The following DTX1 variants were observed in gnomAD, a reference collection of about 807,000 sequenced individuals.
DTX1 encodes the protein deltex E3 ubiquitin ligase 1, also known as E3 ubiquitin-protein ligase DTX1.
A neutral mutation model predicts 57.8 loss-of-function variants in DTX1; 26 were observed. The observed-to-expected ratio is 0.45, with a 90% confidence interval of 0.33 to 0.62. DTX1 has a LOEUF of 0.62. DTX1 is among the 20% of genes least tolerant of loss of function. The pLI is 0.02. For synonymous variants in DTX1, 398 were observed against 394.1 expected, an observed-to-expected ratio of 1.01 and a Z score of -0.12; for missense variants, 704 against 895.3, an observed-to-expected ratio of 0.79 and a Z score of 2.73.
chr12:113,058,655 T>G (rs2044647442), intron 2 of DTX1, among the ~76,000 whole-genome samples: 1 of 152,220 alleles, frequency 6.6e-6, no homozygotes, highest in African/African-American at 2.4e-5. Context: ...TGTAGGGCCT[T>G]GAGCAAGTTG....
chr12:113,088,577 G>A (rs1225028829), intron 3 of DTX1, among the ~76,000 whole-genome samples: 1 of 152,236 alleles, frequency 6.6e-6, no homozygotes, highest in Admixed American at 6.5e-5. Flanking sequence ...CCTGCACGTT[G>A]TGCACATGTA....
intron 2 of DTX1, among the ~76,000 whole-genome samples, chr12:113,075,991 T>G: frequency 6.9e-6 from 1 of 145,384 alleles, no homozygotes; most frequent in African/African-American, 2.6e-5. Context: ...CCAAGATAAA[T>G]GGGTAGAATG....
chr12:113,074,185 C>T (rs759390309), intron 2 of DTX1, among the ~76,000 whole-genome samples: 2 of 152,150 alleles, frequency 1.3e-5, no homozygotes, highest in Non-Finnish European at 2.9e-5. Flanking sequence ...GCCGAGATCA[C>T]GCCACTGCAC....
At chr12:113,076,935 C>T (rs1485715202) in intron 2 of DTX1, among the ~76,000 whole-genome samples, 1 of 152,178 alleles carries the variant, frequency 6.6e-6, no homozygotes, top group South Asian at 2.1e-4. Flanking sequence ...GTCTGAAGAA[C>T]CCCCAGGCCC....
chr12:113,072,105 C>A (rs961409149), intron 2 of DTX1, among the ~76,000 whole-genome samples: 1 of 152,202 alleles, frequency 6.6e-6, no homozygotes, highest in African/African-American at 2.4e-5. Flanking sequence ...ACCCTGGGGG[C>A]TGCTTGCTCT....
rs764684782 is a variant in DTX1, at chr12:113,095,101, G to A, written c.1446G>A (p.Gln482=). The A allele has an allele frequency of 9.9e-6, 16 of 1,613,852 alleles. No homozygotes were observed. The South Asian group carries it at 1.8e-4, about 18-fold the overall frequency. ...KAIYGEKTGT[Q]PPGKMEFHLI... The stretch of plus-strand genomic sequence containing the variant: ...TCTACGGGGAGAAGACGGGTACGCA[G>A]CCGCCTGGGAAGATGGAGTTCCACC... The change falls in exon 8 of 10, where the codon CAG becomes CAA. Residue 482 remains glutamine, a synonymous_variant. Coordinates refer to ENST00000548759, the MANE Select transcript of DTX1 (RefSeq NM_004416.3).
intron 3 of DTX1, among the ~76,000 whole-genome samples, chr12:113,079,525 T>C (rs1269736083): frequency 1.3e-5 from 1 of 76,802 alleles, no homozygotes; most frequent in Non-Finnish European, 2.9e-5. Context: ...CTTTTTTTTT[T>C]TTTTTTTTTT....
chr12:113,082,446 A>C (rs898783297), intron 3 of DTX1, among the ~76,000 whole-genome samples: 4 of 152,146 alleles, frequency 2.6e-5, no homozygotes, highest in African/African-American at 9.7e-5. Flanking sequence ...TCCATTGCTG[A>C]GACAGCTGAG....
intron 2 of DTX1, among the ~76,000 whole-genome samples, chr12:113,070,748 C>T (rs1384591095): frequency 2.0e-5 from 3 of 152,220 alleles, no homozygotes; most frequent in South Asian, 2.1e-4. Flanking sequence ...GCTGTGCTAC[C>T]ACTTGGTGAG....
intron 3 of DTX1, among the ~76,000 whole-genome samples, chr12:113,088,998 G>A (rs1592853418): frequency 1.3e-5 from 2 of 152,338 alleles, no homozygotes; most frequent in East Asian, 3.9e-4. Flanking sequence ...CAGGACAACA[G>A]AGCAAGATCT....
chr12:113,095,454 G>T (rs1361514218), intron 9 of DTX1, 40 bp downstream of exon 9: 1 of 1,612,514 alleles, frequency 6.2e-7, no homozygotes, highest in African/African-American at 1.3e-5. Flanking sequence ...ATAGGCACAG[G>T]CAGGGGCTCC....
At chr12:113,079,694 CTGTG>C (rs71086139) in intron 3 of DTX1, among the ~76,000 whole-genome samples, 9,265 of 132,082 alleles carry the variant, frequency 0.07, 352 homozygotes, top group Non-Finnish European at 0.087. Flanking sequence ...TTCCCGGCTA[CTGTG>C]TGTGTGTGTG....
At chr12:113,066,562 A>G (rs2136425538) in intron 2 of DTX1, among the ~76,000 whole-genome samples, 1 of 150,930 alleles carries the variant, frequency 6.6e-6, no homozygotes, top group African/African-American at 2.4e-5. Flanking sequence ...GGGTGGGGAG[A>G]TTTGTGACCT....
intron 3 of DTX1, among the ~76,000 whole-genome samples, chr12:113,078,354 A>T (rs977317314): frequency 2.0e-5 from 3 of 152,170 alleles, no homozygotes; most frequent in African/African-American, 7.2e-5. Flanking sequence ...CAGTTCACAG[A>T]TGAAGAACTA....
chr12:113,093,436 AACCC>A lies in DTX1; in HGVS notation c.1004-102_1004-99del. 17 of 876,248 alleles carry A rather than the reference AACCC, an allele frequency of 1.9e-5. No homozygotes were observed. Among genetic ancestry groups the A allele is most frequent in the Middle Eastern group, 3.6e-4 (1 of 2,740 alleles). 54.3% of individuals were successfully genotyped at this position (876,248 alleles called of 1,614,324 possible). On this transcript the variant is annotated intron_variant, in intron 4 of 9. Transcript: ENST00000548759. This position sits in a 1 kb window ranked among gnomAD's most constrained non-coding sequence, Gnocchi z 4.2. ...CTGAGTGGGTGGGGCCCAAGAGCGC[AACCC>A]TCCCACCCACCCGAGGGCCCCGGGA...
At chr12:113,070,806 G>A (rs1478266563) in intron 2 of DTX1, among the ~76,000 whole-genome samples, 2 of 152,184 alleles carry the variant, frequency 1.3e-5, no homozygotes, top group African/African-American at 4.8e-5. Context: ...TTTACTCCAC[G>A]AGTGTGGCAT....
chr12:113,095,123 C>T lies in DTX1; in HGVS notation c.1468C>T (p.His490Tyr), dbSNP rs757364308. The T allele has an allele frequency of 1.1e-5, 17 of 1,613,702 alleles. No homozygotes were observed. Among genetic ancestry groups the T allele is most frequent in the Admixed American group, 3.3e-5 (2 of 59,996 alleles). Residue 490 changes from histidine (H) to tyrosine (Y), a missense_variant, in exon 8 of 10, where the codon CAC becomes TAC. Transcript: ENST00000548759. ...GTQPPGKMEF[H>Y]LIPHSLPGFP... Reference sequence around the variant, plus strand: ...GCAGCCGCCTGGGAAGATGGAGTTCCACCTCATCCCCCACTCGCTGCCCGG... The same window carrying T: ...GCAGCCGCCTGGGAAGATGGAGTTCTACCTCATCCCCCACTCGCTGCCCGG...
In DTX1 at chr12:113,093,432, G is replaced by T. The variant is rs1950261274; in HGVS notation, c.1004-107G>T. On this transcript the variant is annotated intron_variant, in intron 4 of 9. Transcript: ENST00000548759. This position sits in a 1 kb window ranked among gnomAD's most constrained non-coding sequence, Gnocchi z 4.2. ...GGGGCTGAGTGGGTGGGGCCCAAGA[G>T]CGCAACCCTCCCACCCACCCGAGGG... 3 of 1,258,420 alleles carry T rather than the reference G, an allele frequency of 2.4e-6. No homozygotes were observed. The highest frequency in any genetic ancestry group is 3.2e-6 in the Non-Finnish European group (3 of 932,068). The allele number at this position is 1,258,420 out of a possible 1,614,324, so 78.0% of individuals were successfully genotyped here. A position where few individuals can be genotyped will look rare whatever the true frequency, so the allele number is the denominator to read the frequency against.
chr12:113,065,881 T>A (rs1246939027), intron 2 of DTX1, among the ~76,000 whole-genome samples: 1 of 152,054 alleles, frequency 6.6e-6, no homozygotes, highest in Non-Finnish European at 1.5e-5. Flanking sequence ...GCAATGGGGT[T>A]GAGGTCCCTA....
Sources: gnomAD v4.1 joint callset for allele counts (sites outside exome capture counted in the v4.1 genomes callset) on GRCh38, gnomAD v4.1.1 for gene constraint, Gnocchi (gnomAD v3.1) non-coding constraint, MANE v1.5 for transcripts, NCBI Gene and HGNC (gene_info 2026-07-23, HGNC 2026-07-21) for gene names.